TBC1D19: variants seen among roughly 807,000 people sequenced by gnomAD.
TBC1D19 encodes the protein TBC1 domain family member 19, also known as TBC1 domain family, member 19.
In TBC1D19, 60 loss-of-function variants were observed where a neutral mutation model predicts 89.0. That is an observed-to-expected ratio of 0.67 (90% CI 0.55 to 0.84). TBC1D19 has a LOEUF of 0.84. Ranked by LOEUF, TBC1D19 falls within the 40% of genes least tolerant of loss-of-function variation. The pLI is 0.00. For missense variants in TBC1D19, 500 were observed against 610.8 expected (o/e 0.82, Z 1.91); for synonymous variants, 189 against 199.7 (o/e 0.95, Z 0.45).
chr4:26,710,394 G>A (rs1716088568), intron 13 of TBC1D19, among the ~76,000 whole-genome samples: 1 of 152,156 alleles, frequency 6.6e-6, no homozygotes, highest in South Asian at 2.1e-4. Context: ...GTATTCCATG[G>A]TGTGTATGTG....
intron 1 of TBC1D19, chr4:26,584,827 A>G (rs918202242): frequency 5.8e-6 from 1 of 172,176 alleles, no homozygotes; most frequent in African/African-American, 2.4e-5. Context: ...ATAACATGCT[A>G]GGCACTGAGG....
At chr4:26,854,412 GTTCACAA>G in the TBC1D19 span, among the ~76,000 whole-genome samples, 31 of 152,158 alleles carry the variant, frequency 2.0e-4, no homozygotes, top group Non-Finnish European at 3.8e-4. Context: ...GCTTCTCTTA[GTTCACAA>G]TGCCTTGGCT....
intron 18 of TBC1D19, among the ~76,000 whole-genome samples, chr4:26,747,587 G>T (rs1402365443): frequency 1.3e-5 from 2 of 152,158 alleles, no homozygotes; most frequent in African/African-American, 4.8e-5. Flanking sequence ...GACAAAATAT[G>T]ATAATTCCAG....
At chr4:26,619,066 ATATC>A (rs1339513495) in intron 3 of TBC1D19, among the ~76,000 whole-genome samples, 2 of 152,172 alleles carry the variant, frequency 1.3e-5, no homozygotes, top group Admixed American at 6.5e-5. Flanking sequence ...GAAAAAATAA[ATATC>A]TAACTTGATT....
the TBC1D19 span, among the ~76,000 whole-genome samples, chr4:26,767,215 G>A: frequency 2.6e-5 from 4 of 152,254 alleles, no homozygotes; most frequent in South Asian, 6.2e-4. Context: ...GTTTTGTGCT[G>A]TATTTTCCTC....
intron 4 of TBC1D19, among the ~76,000 whole-genome samples, chr4:26,623,825 CTTTA>C (rs1488122088): frequency 1.3e-4 from 20 of 151,936 alleles, no homozygotes; most frequent in Non-Finnish European, 2.2e-4. Flanking sequence ...TTATTGTTTA[CTTTA>C]TTTTAGACAT....
the TBC1D19 span, among the ~76,000 whole-genome samples, chr4:26,823,020 C>G: frequency 6.6e-6 from 1 of 152,104 alleles, no homozygotes; most frequent in South Asian, 2.1e-4. Flanking sequence ...TTTGTTTCCA[C>G]GCTGCTAATA....
At chr4:26,646,694 A>G (rs995543595) in intron 7 of TBC1D19, among the ~76,000 whole-genome samples, 8 of 152,220 alleles carry the variant, frequency 5.3e-5, no homozygotes, top group Admixed American at 5.2e-4. Flanking sequence ...AAACTATCGC[A>G]AGAACAGAAA....
chr4:26,681,313 C>T (rs1468939477), intron 11 of TBC1D19, among the ~76,000 whole-genome samples: 2 of 151,548 alleles, frequency 1.3e-5, no homozygotes, highest in African/African-American at 2.4e-5. Context: ...CTGAGGCGGG[C>T]AGATCACCAG....
the TBC1D19 span, among the ~76,000 whole-genome samples, chr4:26,853,374 A>G: frequency 6.6e-6 from 1 of 152,144 alleles, no homozygotes. Context: ...TCATTATCTA[A>G]TATACAACAT....
chr4:26,611,475 G>A lies in TBC1D19; in HGVS notation c.100-1694G>A, dbSNP rs1412227990. Among the ~76,000 whole-genome samples the A allele has an allele frequency of 2.6e-5, 4 of 151,796 alleles. No homozygotes were observed. The East Asian group carries it at 7.7e-4, about 29-fold the overall frequency. ...CCTCTGCCCTTTGTATGTCTTATAA[G>A]TTGACAGGTGGACCCAGAAGCTTCA... On this transcript the variant is annotated intron_variant, in intron 1 of 20. Coordinates refer to ENST00000264866, the MANE Select transcript of TBC1D19 (RefSeq NM_018317.4).
the TBC1D19 span, among the ~76,000 whole-genome samples, chr4:26,811,842 CTT>C: frequency 6.6e-6 from 1 of 152,184 alleles, no homozygotes; most frequent in African/African-American, 2.4e-5. Flanking sequence ...AGAGGTCACT[CTT>C]GTTGCCATCT....
At chr4:26,651,907 G>T (rs1051260264) in intron 7 of TBC1D19, among the ~76,000 whole-genome samples, 3 of 152,102 alleles carry the variant, frequency 2.0e-5, no homozygotes, top group African/African-American at 7.2e-5. Context: ...AATTTATTGA[G>T]AGTTTTTAGC....
At chr4:26,673,408 A>G (rs1712490986) in intron 10 of TBC1D19, among the ~76,000 whole-genome samples, 2 of 143,840 alleles carry the variant, frequency 1.4e-5, no homozygotes, top group Admixed American at 1.4e-4. Context: ...TTGATAATGG[A>G]ATCTAAAAAT....
intron 1 of TBC1D19, among the ~76,000 whole-genome samples, chr4:26,591,151 A>ATG (rs1739771781): frequency 6.6e-6 from 1 of 151,624 alleles, no homozygotes; most frequent in Non-Finnish European, 1.5e-5. Context: ...ATTATGTGGT[A>ATG]TGTAGTTATT....
At chr4:26,826,921 C>T in the TBC1D19 span, among the ~76,000 whole-genome samples, 4 of 152,214 alleles carry the variant, frequency 2.6e-5, no homozygotes, top group East Asian at 5.8e-4. Flanking sequence ...CCCAGCCGTG[C>T]AGTTCAACCC....
At chr4:26,666,084 A>G (rs1038230212) in intron 8 of TBC1D19, among the ~76,000 whole-genome samples, 18 of 152,058 alleles carry the variant, frequency 1.2e-4, no homozygotes, top group Middle Eastern at 3.4e-3. Context: ...TTTTCTATTC[A>G]TGATTATTTT....
At chr4:26,853,835 A>T in the TBC1D19 span, among the ~76,000 whole-genome samples, 1 of 152,206 alleles carries the variant, frequency 6.6e-6, no homozygotes, top group Non-Finnish European at 1.5e-5. Flanking sequence ...GCGCCTGGCC[A>T]AGAAACAACT....
chr4:26,631,479 T>C (rs371951387), intron 4 of TBC1D19, among the ~76,000 whole-genome samples: 99 of 152,246 alleles, frequency 6.5e-4, no homozygotes, highest in African/African-American at 2.3e-3. Flanking sequence ...GCTAAATCAA[T>C]GTATTTTCAT....
Sources: allele counts gnomAD v4.1 joint callset (sites outside exome capture counted in the v4.1 genomes callset), GRCh38; gene constraint gnomAD v4.1.1; transcripts MANE v1.5; gene names NCBI Gene and HGNC (gene_info 2026-07-23, HGNC 2026-07-21).